Variants in DENND1A observed in about 807,000 individuals in gnomAD.
DENND1A encodes DENN domain-containing protein 1A.
DENND1A carries 51 observed loss-of-function variants against 113.7 expected under a neutral mutation model. That is an observed-to-expected ratio of 0.45 (90% CI 0.36 to 0.57). The LOEUF is 0.57. DENND1A is among the 20% of genes least tolerant of loss of function. The probability of loss-of-function intolerance (pLI) is 0.00; values close to 1 mark genes in which losing one functional copy is unlikely to be tolerated. For missense variants in DENND1A, 1,258 were observed against 1,395.9 expected (o/e 0.90, Z 1.57); for synonymous variants, 565 against 570.8 (o/e 0.99, Z 0.14).
chr9:123,911,638 G>C (rs1853985363), intron 1 of DENND1A, among the ~76,000 whole-genome samples: 1 of 152,000 alleles, frequency 6.6e-6, no homozygotes, highest in South Asian at 2.1e-4. Context: ...CCATTTATAT[G>C]AAGTTCAAGA....
chr9:123,531,554 T>TACACACACACACACACACACACAC (rs57819030), intron 13 of DENND1A, among the ~76,000 whole-genome samples: 2 of 103,128 alleles, frequency 1.9e-5, no homozygotes, highest in Admixed American at 2.1e-4. Context: ...CCTCTCTCTC[T>TACACACACACACACACACACACAC]ACACACACAC....
chr9:123,669,960 GTCTTATC>G (rs1270744836), intron 7 of DENND1A, among the ~76,000 whole-genome samples: 4 of 152,100 alleles, frequency 2.6e-5, no homozygotes, highest in Admixed American at 6.5e-5. Context: ...GAAAACTCAA[GTCTTATC>G]TCTTATTAAC....
rs775207078 is a variant in DENND1A, at chr9:123,768,098, C to G, written c.182+1416G>C. On this transcript the variant is annotated intron_variant, in intron 4 of 23. Transcript: ENST00000394215. ...GGAATAGGCTAAAGAAGAGACAAGACGACTCCCATTACAAAGACTGACCCT... is the reference window on the plus strand; with the variant it reads ...GGAATAGGCTAAAGAAGAGACAAGAGGACTCCCATTACAAAGACTGACCCT... Among the ~76,000 whole-genome samples the G allele has an allele frequency of 8.5e-5, 13 of 152,198 alleles. No homozygotes were observed. The East Asian group carries it at 2.3e-3, about 27-fold the overall frequency.
intron 11 of DENND1A, among the ~76,000 whole-genome samples, chr9:123,591,267 T>C (rs576496847): frequency 1.3e-4 from 20 of 152,230 alleles, no homozygotes; most frequent in Non-Finnish European, 1.5e-4. Context: ...CCCACACAGA[T>C]TGGTGCGGGG....
chr9:123,654,745 A>G (rs2062841394), intron 8 of DENND1A, among the ~76,000 whole-genome samples: 3 of 152,190 alleles, frequency 2.0e-5, no homozygotes, highest in Non-Finnish European at 4.4e-5. Context: ...ATTTGTGTCT[A>G]AACAGAAGCT....
intron 11 of DENND1A, among the ~76,000 whole-genome samples, chr9:123,598,353 AC>A (rs1402605129): frequency 6.6e-6 from 1 of 151,562 alleles, no homozygotes; most frequent in Non-Finnish European, 1.5e-5. Flanking sequence ...TGATGTCATT[AC>A]CCAAAAGTGT....
At position 123,457,914 on chromosome 9, in the gene DENND1A, G is replaced by A. The variant is rs1455347434; in HGVS notation, c.994-17C>T. Reference sequence around the variant, plus strand: ...CGGCTCCTCCTGGGAAGTGCAGAGGGGAGAGGTGGGTCAGTGGCACGGAGC... The same window carrying A: ...CGGCTCCTCCTGGGAAGTGCAGAGGAGAGAGGTGGGTCAGTGGCACGGAGC... On this transcript the variant is annotated splice_polypyrimidine_tract_variant and intron_variant, in intron 13 of 23. Coordinates refer to ENST00000394215, the MANE Select transcript of DENND1A (RefSeq NM_001352964.2). The A allele has an allele frequency of 1.3e-6, 2 of 1,594,082 alleles. No homozygotes were observed. Among genetic ancestry groups the A allele is most frequent in the East Asian group, 2.3e-5 (1 of 44,016 alleles).
intron 3 of DENND1A, among the ~76,000 whole-genome samples, chr9:123,778,968 G>A (rs930032417): frequency 1.3e-5 from 2 of 152,138 alleles, no homozygotes; most frequent in Non-Finnish European, 2.9e-5. Flanking sequence ...AATGTTTAAA[G>A]TATAAATAAT....
intron 2 of DENND1A, among the ~76,000 whole-genome samples, chr9:123,818,305 C>T (rs184570211): frequency 8.6e-5 from 13 of 151,876 alleles, no homozygotes; most frequent in African/African-American, 2.7e-4. Context: ...GGGGTTTCAC[C>T]GTTTTAGCAG....
At chr9:123,766,221 C>T (rs1828788772) in intron 4 of DENND1A, among the ~76,000 whole-genome samples, 1 of 152,180 alleles carries the variant, frequency 6.6e-6, no homozygotes, top group Admixed American at 6.5e-5. Flanking sequence ...TCCTGGCAGA[C>T]TCAATACAAG....
intron 4 of DENND1A, among the ~76,000 whole-genome samples, chr9:123,763,197 C>A (rs1031962990): frequency 2.6e-5 from 4 of 151,630 alleles, no homozygotes; most frequent in African/African-American, 9.7e-5. Context: ...ATACAGAGAG[C>A]AGTTTGGAAG....
chr9:123,587,585 A>T (rs1279392929), intron 11 of DENND1A, among the ~76,000 whole-genome samples: 5 of 152,292 alleles, frequency 3.3e-5, no homozygotes, highest in African/African-American at 1.2e-4. Context: ...GCGTCCGTTT[A>T]TAGGCTCTCC....
At chr9:123,715,689 G>GT (rs890135724) in intron 5 of DENND1A, among the ~76,000 whole-genome samples, 4 of 151,870 alleles carry the variant, frequency 2.6e-5, no homozygotes, top group African/African-American at 9.7e-5. Flanking sequence ...GTTGCTTTTT[G>GT]TTTTTTTGTT....
chr9:123,770,768 T>C (rs1232111887), intron 3 of DENND1A, among the ~76,000 whole-genome samples: 1 of 152,206 alleles, frequency 6.6e-6, no homozygotes, highest in Non-Finnish European at 1.5e-5. Flanking sequence ...AAGTGATAAA[T>C]TAAAGATCAG....
intron 2 of DENND1A, among the ~76,000 whole-genome samples, chr9:123,796,859 A>G (rs1833865454): frequency 6.6e-6 from 1 of 152,114 alleles, no homozygotes; most frequent in African/African-American, 2.4e-5. Context: ...TCAAGGCATG[A>G]CATATTTTTA....
At chr9:123,582,551 C>T (rs1379816485) in intron 12 of DENND1A, among the ~76,000 whole-genome samples, 1 of 151,594 alleles carries the variant, frequency 6.6e-6, no homozygotes, top group Non-Finnish European at 1.5e-5. Flanking sequence ...AGGCACATGC[C>T]ACCATGCTCA....
At chr9:123,562,941 T>C (rs2057844388) in intron 12 of DENND1A, among the ~76,000 whole-genome samples, 1 of 152,200 alleles carries the variant, frequency 6.6e-6, no homozygotes, top group East Asian at 1.9e-4. Context: ...TGCAGTACTT[T>C]CTGCCAAATG....
chr9:123,441,026 A>G (rs979108891), intron 18 of DENND1A, among the ~76,000 whole-genome samples: 28 of 152,322 alleles, frequency 1.8e-4, no homozygotes, highest in African/African-American at 6.7e-4. Flanking sequence ...AACATTCAAA[A>G]TGCCAGTGAT....
At chr9:123,912,104 T>C (rs931100150) in intron 1 of DENND1A, among the ~76,000 whole-genome samples, 2 of 152,160 alleles carry the variant, frequency 1.3e-5, no homozygotes, top group Admixed American at 6.6e-5. Flanking sequence ...ATATAACCAT[T>C]AAAAATTAAT....
Sources: gnomAD v4.1 joint callset for allele counts (sites outside exome capture counted in the v4.1 genomes callset) on GRCh38, gnomAD v4.1.1 for gene constraint, MANE v1.5 for transcripts, NCBI Gene and HGNC (gene_info 2026-07-23, HGNC 2026-07-21) for gene names.